NTF3: variants seen among roughly 807,000 people sequenced by gnomAD.
NTF3 encodes the protein neurotrophin 3, also known as neurotrophin-3.
NTF3 carries 8 observed loss-of-function variants against 26.3 expected under a neutral mutation model. The observed-to-expected ratio is 0.30, with a 90% CI of 0.18 to 0.55. NTF3 has a LOEUF of 0.55. Among genes scored for constraint, NTF3 ranks in the 20% least tolerant of loss-of-function variants. The pLI is 0.93. For missense variants in NTF3, 276 were observed against 352.9 expected (o/e 0.78, Z 1.75); for synonymous variants, 154 against 145.5 (o/e 1.06, Z -0.42).
intron 1 of NTF3, among the ~76,000 whole-genome samples, chr12:5,466,713 C>T (rs1394466150): frequency 2.6e-5 from 4 of 152,294 alleles, no homozygotes; most frequent in South Asian, 4.1e-4. Context: ...AGTAGAATTT[C>T]CTGTTCAAAC....
intron 1 of NTF3, among the ~76,000 whole-genome samples, chr12:5,457,060 C>T (rs953310391): frequency 6.6e-6 from 1 of 152,202 alleles, no homozygotes; most frequent in African/African-American, 2.4e-5. Context: ...CATCTCGCTC[C>T]TTTTGCTGCA....
chr12:5,441,103 C>G (rs576712694), intron 1 of NTF3, among the ~76,000 whole-genome samples: 16 of 152,254 alleles, frequency 1.1e-4, no homozygotes, highest in Non-Finnish European at 1.9e-4. Context: ...AGAGAGATCC[C>G]AAACTCTGCA....
intron 1 of NTF3, among the ~76,000 whole-genome samples, chr12:5,482,360 G>C (rs1940817593): frequency 6.6e-6 from 1 of 152,222 alleles, no homozygotes; most frequent in African/African-American, 2.4e-5. Context: ...AGGAAGCGCT[G>C]TGTGATACTG....
chr12:5,430,636 C>A (rs867097234), upstream of NTF3, among the ~76,000 whole-genome samples: 18 of 151,826 alleles, frequency 1.2e-4, no homozygotes, highest in African/African-American at 4.1e-4. Flanking sequence ...TCTCTGCGGC[C>A]GGTTGGTCCT....
At chr12:5,445,848 TC>T (rs1940299164) in intron 1 of NTF3, among the ~76,000 whole-genome samples, 1 of 152,206 alleles carries the variant, frequency 6.6e-6, no homozygotes, top group African/African-American at 2.4e-5. Context: ...TTAAGGAAGT[TC>T]TTCTAAGGAT....
At chr12:5,449,947 T>C (rs1295849675) in intron 1 of NTF3, among the ~76,000 whole-genome samples, 1 of 152,018 alleles carries the variant, frequency 6.6e-6, no homozygotes, top group East Asian at 1.9e-4. Flanking sequence ...TTCTGGGAAG[T>C]TTTTTCTTCT....
chr12:5,474,285 G>A (rs1220183985), intron 1 of NTF3, among the ~76,000 whole-genome samples: 1 of 152,190 alleles, frequency 6.6e-6, no homozygotes, highest in Non-Finnish European at 1.5e-5. Flanking sequence ...GAGCAGACAG[G>A]CAAGAAAAAG....
At chr12:5,453,600 T>G (rs187672223) in intron 1 of NTF3, among the ~76,000 whole-genome samples, 31 of 152,350 alleles carry the variant, frequency 2.0e-4, no homozygotes, top group African/African-American at 7.2e-4. Flanking sequence ...CTTTGATCCA[T>G]GTTTAGCTGT....
intron 1 of NTF3, among the ~76,000 whole-genome samples, chr12:5,471,210 C>T (rs958721928): frequency 3.9e-5 from 6 of 152,096 alleles, no homozygotes; most frequent in African/African-American, 1.4e-4. Flanking sequence ...GTGGAACAGA[C>T]GGCCTTTAGA....
chr12:5,444,045 T>C (rs1393386443), intron 1 of NTF3, among the ~76,000 whole-genome samples: 2 of 151,096 alleles, frequency 1.3e-5, no homozygotes, highest in African/African-American at 2.4e-5. Flanking sequence ...TTGGCTCTTG[T>C]CTGAATCAAG....
intron 1 of NTF3, among the ~76,000 whole-genome samples, chr12:5,487,141 C>T (rs540338676): frequency 1.3e-5 from 2 of 152,268 alleles, no homozygotes; most frequent in East Asian, 1.9e-4. Context: ...GGGCTTGTGT[C>T]GGCATACCAA....
chr12:5,494,375 A>G lies in NTF3; in HGVS notation c.200A>G (p.Asp67Gly), dbSNP rs1266956237. The change falls in exon 2 of 2, where the codon GAC (aspartate) becomes GGC (glycine). Residue 67 changes from aspartate to glycine, a missense_variant. Physicochemically the swap from Asp to Gly is moderately conservative, Grantham distance 94 (BLOSUM62 -1). Around this residue, in one of 3 missense-constraint regions of NTF3, gnomAD observed 221 missense variants for 258.2 expected, o/e 0.86. Transcript: ENST00000423158. This position sits in a 1 kb window ranked among gnomAD's most constrained non-coding sequence, Gnocchi z 8.3. ...AACAAGCTCTCCAAGCAGATGGTGGACGTTAAGGAAAATTACCAGAGCACC... is the reference window on the plus strand; with the variant it reads ...AACAAGCTCTCCAAGCAGATGGTGGGCGTTAAGGAAAATTACCAGAGCACC... ...LKNKLSKQMV[D>G]VKENYQSTLP... The G allele has an allele frequency of 6.2e-7, 1 of 1,613,968 alleles. No individual in the cohort carries two copies. The highest frequency in any genetic ancestry group is 1.3e-5 in the African/African-American group (1 of 75,002).
rs1366619177 is a variant in NTF3 at position 5,432,119 on chromosome 12, A to T, written c.-206A>T. On this transcript the variant is annotated 5_prime_UTR_variant, in exon 1 of 2. Coordinates refer to ENST00000423158, the MANE Select transcript of NTF3 (RefSeq NM_001102654.2). ...ATTCTGTTCACGGGACTCAGAGTTG[A>T]AGCTCCTCTCCCTTCCGAACAGCTC... 7.7e-6 allele frequency: 5 copies of T among 646,724 alleles called. No individual in the cohort carries two copies. Among genetic ancestry groups the T allele is most frequent in the African/African-American group, 1.8e-5 (1 of 55,708 alleles). The allele number at this position is 646,724 out of a possible 1,614,324, so 40.1% of individuals were successfully genotyped here. A position where few individuals can be genotyped will look rare whatever the true frequency, so the allele number is the denominator to read the frequency against.
intron 1 of NTF3, among the ~76,000 whole-genome samples, chr12:5,454,001 G>A (rs10774333): frequency 0.28 from 42,665 of 151,928 alleles, 6,549 homozygotes; most frequent in East Asian, 0.51. Context: ...ATGGCAGGTA[G>A]CCTAAGACTA....
chr12:5,489,387 C>T (rs11063712), intron 1 of NTF3, among the ~76,000 whole-genome samples: 3,354 of 152,222 alleles, frequency 0.022, 132 homozygotes, highest in African/African-American at 0.076. Context: ...CAAGGACAGA[C>T]GGAGAGGCAG....
chr12:5,483,306 C>T (rs571700760), intron 1 of NTF3, among the ~76,000 whole-genome samples: 90 of 152,264 alleles, frequency 5.9e-4, no homozygotes, highest in African/African-American at 2.1e-3. Flanking sequence ...CAGTCCGACC[C>T]GTGGGGCTTG....
At chr12:5,439,353 C>T (rs1306131855) in intron 1 of NTF3, among the ~76,000 whole-genome samples, 1 of 152,220 alleles carries the variant, frequency 6.6e-6, no homozygotes, top group Admixed American at 6.5e-5. Context: ...ATGTTCTTGG[C>T]TTTCCAGCCT....
intron 1 of NTF3, among the ~76,000 whole-genome samples, chr12:5,478,963 C>G (rs73259353): frequency 5.3e-5 from 8 of 152,176 alleles, no homozygotes; most frequent in Non-Finnish European, 1.0e-4. Context: ...TTGCCAAGCC[C>G]GTCAGCACAA....
chr12:5,450,688 AAT>A (rs1940361868), intron 1 of NTF3, among the ~76,000 whole-genome samples: 2 of 152,240 alleles, frequency 1.3e-5, no homozygotes. Context: ...TACTCAATGA[AAT>A]AGCAATTTTA....
Sources: gnomAD v4.1 joint callset for allele counts (sites outside exome capture counted in the v4.1 genomes callset) on GRCh38, gnomAD v4.1.1 for gene constraint, gnomAD v4.1.1 regional missense constraint, Gnocchi (gnomAD v3.1) non-coding constraint, MANE v1.5 for transcripts, NCBI Gene and HGNC (gene_info 2026-07-23, HGNC 2026-07-21) for gene names.